COL8A1: variants seen among roughly 807,000 people sequenced by gnomAD.
COL8A1 encodes the protein collagen alpha-1(VIII) chain.
Under a neutral mutation model 42.7 loss-of-function variants are expected in COL8A1, and 21 were observed. The ratio of observed to expected loss-of-function variants is 0.49; its 90% CI spans 0.35 to 0.71. The LOEUF (loss-of-function observed/expected upper bound fraction) is 0.71. Ranked by LOEUF, COL8A1 falls within the 30% of genes least tolerant of loss-of-function variation. The pLI, the probability that COL8A1 is intolerant of heterozygous loss-of-function variation, is 0.01. For missense variants in COL8A1, 788 were observed against 962.4 expected, an observed-to-expected ratio of 0.82 and a Z score of 2.40; for synonymous variants, 367 against 369.1, an observed-to-expected ratio of 0.99 and a Z score of 0.06.
intron 1 of COL8A1, among the ~76,000 whole-genome samples, chr3:99,688,758 G>A (rs1327460156): frequency 6.6e-6 from 1 of 152,156 alleles, no homozygotes; most frequent in African/African-American, 2.4e-5. Context: ...GTGAGCCCGT[G>A]TGATTGAGCT....
chr3:99,790,122 C>A (rs769306019), intron 2 of COL8A1, among the ~76,000 whole-genome samples: 5 of 152,188 alleles, frequency 3.3e-5, no homozygotes, highest in Non-Finnish European at 7.3e-5. Context: ...ATTAACAAAG[C>A]CTAACCAGGA....
At chr3:99,683,547 T>C (rs1938956012) in intron 1 of COL8A1, among the ~76,000 whole-genome samples, 2 of 152,194 alleles carry the variant, frequency 1.3e-5, no homozygotes. Context: ...CTCATGATTG[T>C]TTAAAACTTC....
rs766677155 is a variant in COL8A1, at chr3:99,795,281, C to G, written c.1380C>G (p.Pro460=). 1 of 1,612,466 alleles carries G rather than the reference C, an allele frequency of 6.2e-7. No homozygotes were observed. Among genetic ancestry groups the G allele is most frequent in the East Asian group, 2.2e-5 (1 of 44,820 alleles). ...GGGGTTTGCCAGGTCCCATAGGGCCCAAGGGGGAAGCTGGGCAAAAAGGTG... is the reference window on the plus strand; with the variant it reads ...GGGGTTTGCCAGGTCCCATAGGGCCGAAGGGGGAAGCTGGGCAAAAAGGTG... ...GMRGLPGPIG[P]KGEAGQKGVP... Residue 460 remains proline, a synonymous_variant, in exon 4 of 4, where the codon CCC becomes CCG. Transcript: ENST00000652472.
chr3:99,769,116 T>G (rs1228956413), intron 2 of COL8A1, among the ~76,000 whole-genome samples: 1 of 152,198 alleles, frequency 6.6e-6, no homozygotes. Context: ...TGTAAAATTG[T>G]GCAAATAACT....
At chr3:99,702,353 TCA>T (rs1244926286) in intron 1 of COL8A1, among the ~76,000 whole-genome samples, 2 of 152,324 alleles carry the variant, frequency 1.3e-5, no homozygotes, top group East Asian at 3.9e-4. Flanking sequence ...TTAACTTGCA[TCA>T]CACTTTTGCT....
At chr3:99,737,361 G>A (rs1249315457) in intron 1 of COL8A1, among the ~76,000 whole-genome samples, 6 of 151,926 alleles carry the variant, frequency 3.9e-5, no homozygotes, top group Admixed American at 2.6e-4. Context: ...TGCAGCGGCT[G>A]GTACCGGTTG....
At chr3:99,663,344 T>C (rs1057045844) in intron 1 of COL8A1, among the ~76,000 whole-genome samples, 8 of 152,206 alleles carry the variant, frequency 5.3e-5, no homozygotes, top group South Asian at 4.2e-4. Context: ...TCCTCACTTT[T>C]ACTAACCCGG....
chr3:99,645,489 A>G (rs893210625), intron 1 of COL8A1, among the ~76,000 whole-genome samples: 3 of 152,120 alleles, frequency 2.0e-5, no homozygotes, highest in African/African-American at 7.2e-5. Flanking sequence ...CCCCCAGTTA[A>G]TTACAATCCC....
At chr3:99,647,208 C>A (rs565966612) in intron 1 of COL8A1, among the ~76,000 whole-genome samples, 1 of 152,156 alleles carries the variant, frequency 6.6e-6, no homozygotes, top group Non-Finnish European at 1.5e-5. Flanking sequence ...CCTGCCTGAG[C>A]GCATCTCCTG....
intron 2 of COL8A1, among the ~76,000 whole-genome samples, chr3:99,773,990 G>A (rs879856374): frequency 3.4e-5 from 5 of 149,070 alleles, no homozygotes; most frequent in African/African-American, 9.9e-5. Context: ...GATTACAGGC[G>A]CCCACCACCA....
At chr3:99,781,786 C>T (rs1027028249) in intron 2 of COL8A1, among the ~76,000 whole-genome samples, 4 of 152,174 alleles carry the variant, frequency 2.6e-5, no homozygotes, top group African/African-American at 7.2e-5. Context: ...TGCTGTGTAT[C>T]GCCAGGTCCA....
chr3:99,697,133 C>T (rs1404732825), intron 1 of COL8A1, among the ~76,000 whole-genome samples: 5 of 150,648 alleles, frequency 3.3e-5, no homozygotes, highest in Non-Finnish European at 7.4e-5. Context: ...ACTACAGGCG[C>T]CCGCCACTAC....
chr3:99,679,444 G>A (rs1938799492), intron 1 of COL8A1: 1 of 152,094 alleles, frequency 6.6e-6, no homozygotes, highest in Non-Finnish European at 1.5e-5. Flanking sequence ...CCAATAAGTT[G>A]TGGAAAGTCT....
chr3:99,737,359 C>T (rs1940756944), intron 1 of COL8A1, among the ~76,000 whole-genome samples: 1 of 151,980 alleles, frequency 6.6e-6, no homozygotes, highest in African/African-American at 2.4e-5. Flanking sequence ...TTTGCAGCGG[C>T]TGGTACCGGT....
intron 2 of COL8A1, among the ~76,000 whole-genome samples, chr3:99,750,320 G>T (rs1373261870): frequency 6.6e-6 from 1 of 151,958 alleles, no homozygotes; most frequent in East Asian, 1.9e-4. Flanking sequence ...GCCTCCCAAA[G>T]TGCTGGGATT....
intron 2 of COL8A1, among the ~76,000 whole-genome samples, chr3:99,769,963 T>C (rs140704277): frequency 5.4e-4 from 82 of 152,176 alleles, no homozygotes; most frequent in African/African-American, 1.9e-3. Context: ...AATCATACAA[T>C]TTCTTGTTTT....
chr3:99,662,330 C>T (rs35382471), intron 1 of COL8A1, among the ~76,000 whole-genome samples: 4 of 150,206 alleles, frequency 2.7e-5, no homozygotes, highest in African/African-American at 4.9e-5. Flanking sequence ...TGCCCTGAGC[C>T]GACATCACGC....
At chr3:99,773,815 G>GTATATATATATATA (rs1553682062) in intron 2 of COL8A1, among the ~76,000 whole-genome samples, 35 of 35,892 alleles carry the variant, frequency 9.8e-4, no homozygotes, top group South Asian at 2.2e-3. Flanking sequence ...ATATATGTGT[G>GTATATATATATATA]TATATATATA....
chr3:99,675,414 G>A (rs1389556734), intron 1 of COL8A1, among the ~76,000 whole-genome samples: 1 of 151,984 alleles, frequency 6.6e-6, no homozygotes, highest in African/African-American at 2.4e-5. Flanking sequence ...TATTTGTTAT[G>A]AGCGCCAGTG....
Sources: allele counts gnomAD v4.1 joint callset (sites outside exome capture counted in the v4.1 genomes callset), GRCh38; gene constraint gnomAD v4.1.1; transcripts MANE v1.5; gene names NCBI Gene and HGNC (gene_info 2026-07-23, HGNC 2026-07-21).